ZBTB8A: variants seen among roughly 807,000 people sequenced by gnomAD.
ZBTB8A encodes zinc finger and BTB domain-containing protein 8A.
In ZBTB8A, 19 loss-of-function variants were observed where a neutral mutation model predicts 37.8. That is an observed-to-expected ratio of 0.50 (90% confidence interval 0.35 to 0.74). The LOEUF (loss-of-function observed/expected upper bound fraction) is 0.74, where lower values mean the gene tolerates loss of function less well. ZBTB8A is among the 30% of genes least tolerant of loss of function. The pLI is 0.01. For missense variants in ZBTB8A, 394 were observed against 537.8 expected (o/e 0.73, Z 2.65); for synonymous variants, 181 against 185.2 (o/e 0.98, Z 0.19).
chr1:32,543,235 C>T (rs1257719878), intron 1 of ZBTB8A, among the ~76,000 whole-genome samples: 1 of 152,088 alleles, frequency 6.6e-6, no homozygotes, highest in Non-Finnish European at 1.5e-5. Flanking sequence ...AGGCACCTGC[C>T]ACCATGCCCG....
At chr1:32,573,738 C>CTTTT (rs753573244) in intron 2 of ZBTB8A, among the ~76,000 whole-genome samples, 38 of 95,002 alleles carry the variant, frequency 4.0e-4, no homozygotes, top group African/African-American at 1.0e-3. Context: ...CCAGCTAAAA[C>CTTTT]TTTTTTTTTT....
chr1:32,546,617 G>A (rs892486433), intron 1 of ZBTB8A, among the ~76,000 whole-genome samples: 1 of 152,128 alleles, frequency 6.6e-6, no homozygotes, highest in African/African-American at 2.4e-5. Context: ...CTCCAGGCTG[G>A]TGGGACCTTG....
intron 2 of ZBTB8A, among the ~76,000 whole-genome samples, chr1:32,591,397 T>A (rs1002000201): frequency 1.2e-4 from 18 of 151,700 alleles, no homozygotes; most frequent in Admixed American, 5.9e-4. Context: ...ATATATATAT[T>A]TTGTAGAGAC....
At chr1:32,562,839 T>C (rs1644254036) in intron 2 of ZBTB8A, among the ~76,000 whole-genome samples, 2 of 152,054 alleles carry the variant, frequency 1.3e-5, no homozygotes. Flanking sequence ...CACCTCAGCT[T>C]CCCAAAGTGC....
chr1:32,584,447 A>G (rs1419985414), intron 2 of ZBTB8A, among the ~76,000 whole-genome samples: 3 of 151,824 alleles, frequency 2.0e-5, no homozygotes, highest in Admixed American at 6.6e-5. Flanking sequence ...AATTGAAAAC[A>G]AAAGGGCACC....
intron 2 of ZBTB8A, among the ~76,000 whole-genome samples, chr1:32,553,743 A>G (rs1644176133): frequency 6.6e-6 from 1 of 151,810 alleles, no homozygotes; most frequent in African/African-American, 2.4e-5. Context: ...AAAATTAGCC[A>G]GGCATGGTGG....
At position 32,593,326 on chromosome 1, in the gene ZBTB8A, A is replaced by T. The variant is rs2148250697; in HGVS notation, c.395A>T (p.Tyr132Phe). ...ATTAGTGAGAAAGAAAAAGATCGCTATTTCAGTCTCTCAGATAAAGATGCC... is the reference window on the plus strand; with the variant it reads ...ATTAGTGAGAAAGAAAAAGATCGCTTTTTCAGTCTCTCAGATAAAGATGCC... ...LDISEKEKDR[Y>F]FSLSDKDANS... Residue 132 changes from tyrosine (Y) to phenylalanine (F), a missense_variant, in exon 3 of 5, where the codon TAT becomes TTT. Physicochemically the swap from Tyr to Phe is conservative, Grantham distance 22 (BLOSUM62 3). Around this residue, in one of 4 missense-constraint regions of ZBTB8A, gnomAD observed 96 missense variants for 165.6 expected, o/e 0.58. Transcript: ENST00000373510. 1 of 1,614,168 alleles carries T rather than the reference A, an allele frequency of 6.2e-7. No individual in the cohort carries two copies. Among genetic ancestry groups the T allele is most frequent in the Non-Finnish European group, 8.5e-7 (1 of 1,180,032 alleles).
chr1:32,571,375 A>C (rs1486128462), intron 2 of ZBTB8A, among the ~76,000 whole-genome samples: 2 of 151,998 alleles, frequency 1.3e-5, no homozygotes, highest in East Asian at 3.9e-4. Flanking sequence ...GTTTCCTTCT[A>C]TTTCTGTTTC....
intron 2 of ZBTB8A, among the ~76,000 whole-genome samples, chr1:32,585,627 A>G (rs1286293092): frequency 6.6e-6 from 1 of 152,138 alleles, no homozygotes; most frequent in Non-Finnish European, 1.5e-5. Context: ...AAATTAATCT[A>G]TAAGTTCAAT....
At chr1:32,545,012 A>G (rs1644091334) in intron 1 of ZBTB8A, among the ~76,000 whole-genome samples, 1 of 152,160 alleles carries the variant, frequency 6.6e-6, no homozygotes, top group South Asian at 2.1e-4. Flanking sequence ...TCTTGAATAT[A>G]TACCTAGGAG....
At chr1:32,540,103 A>T (rs1644040684) in intron 1 of ZBTB8A, among the ~76,000 whole-genome samples, 1 of 152,022 alleles carries the variant, frequency 6.6e-6, no homozygotes, top group Non-Finnish European at 1.5e-5. Context: ...TCAAGATGCG[A>T]CATCTGGGCT....
intron 2 of ZBTB8A, among the ~76,000 whole-genome samples, chr1:32,566,154 A>G (rs963033170): frequency 2.5e-4 from 37 of 150,814 alleles, no homozygotes; most frequent in African/African-American, 8.0e-4. Context: ...GTGAGCCAAG[A>G]TCGTGCCATT....
chr1:32,540,697 C>T (rs552041878), intron 1 of ZBTB8A, among the ~76,000 whole-genome samples: 1 of 152,314 alleles, frequency 6.6e-6, no homozygotes, highest in South Asian at 2.1e-4. Flanking sequence ...CCTCCAAAAT[C>T]CTCAACAAGC....
At chr1:32,548,814 C>T (rs754072228) in intron 1 of ZBTB8A, among the ~76,000 whole-genome samples, 1 of 152,180 alleles carries the variant, frequency 6.6e-6, no homozygotes, top group Non-Finnish European at 1.5e-5. Flanking sequence ...GGATTAGCTT[C>T]TAATATTCTC....
chr1:32,558,545 G>T (rs980160974), intron 2 of ZBTB8A, among the ~76,000 whole-genome samples: 39 of 151,786 alleles, frequency 2.6e-4, no homozygotes, highest in African/African-American at 9.2e-4. Flanking sequence ...ACATTGAAAA[G>T]AAATCATGTA....
intron 1 of ZBTB8A, among the ~76,000 whole-genome samples, chr1:32,552,766 T>C (rs984119129): frequency 6.6e-6 from 1 of 151,530 alleles, no homozygotes; most frequent in Admixed American, 6.6e-5. Flanking sequence ...AAGATTGAGG[T>C]TAAAAAGTTA....
intron 2 of ZBTB8A, among the ~76,000 whole-genome samples, chr1:32,589,516 G>T (rs1644472738): frequency 6.6e-6 from 1 of 151,600 alleles, no homozygotes; most frequent in African/African-American, 2.4e-5. Flanking sequence ...CTCCCAAAGT[G>T]CTGGGATTAC....
chr1:32,592,664 G>A (rs1022703870), intron 2 of ZBTB8A, among the ~76,000 whole-genome samples: 5 of 151,732 alleles, frequency 3.3e-5, no homozygotes, highest in Non-Finnish European at 7.4e-5. Flanking sequence ...CCGCCACCAC[G>A]CCCAGCTAAT....
At chr1:32,588,621 C>T (rs1644465981) in intron 2 of ZBTB8A, among the ~76,000 whole-genome samples, 1 of 151,924 alleles carries the variant, frequency 6.6e-6, no homozygotes, top group East Asian at 1.9e-4. Flanking sequence ...CAATGATCAA[C>T]TGTGTAGGCA....
Sources: allele counts gnomAD v4.1 joint callset (sites outside exome capture counted in the v4.1 genomes callset), GRCh38; gene constraint gnomAD v4.1.1; regional missense constraint gnomAD v4.1.1; transcripts MANE v1.5; gene names NCBI Gene and HGNC (gene_info 2026-07-23, HGNC 2026-07-21).